CSGALNACT1: variants seen among roughly 807,000 people sequenced by gnomAD.
The protein encoded by CSGALNACT1 is beta4GalNAcT-1.
In CSGALNACT1, 52 loss-of-function variants were observed where a neutral mutation model predicts 51.0. The observed-to-expected ratio is 1.02, with a 90% confidence interval of 0.82 to 1.29. The LOEUF (loss-of-function observed/expected upper bound fraction) is 1.29, where lower values mean the gene tolerates loss of function less well. Ranked by LOEUF, CSGALNACT1 falls within the 50% of genes most tolerant of loss-of-function variation. The pLI is 0.00. For missense variants in CSGALNACT1, 935 were observed against 679.2 expected (o/e 1.38, Z -4.19); for synonymous variants, 341 against 254.4 (o/e 1.34, Z -3.24).
intron 3 of CSGALNACT1, among the ~76,000 whole-genome samples, chr8:19,529,161 C>T (rs983472286): frequency 2.0e-5 from 3 of 151,970 alleles, no homozygotes; most frequent in Non-Finnish European, 2.9e-5. Flanking sequence ...TGGGGGTCAA[C>T]GGTAACTTAA....
intron 3 of CSGALNACT1, among the ~76,000 whole-genome samples, chr8:19,560,506 G>A (rs369020542): frequency 5.3e-5 from 8 of 152,080 alleles, no homozygotes; most frequent in Admixed American, 3.9e-4. Flanking sequence ...AGAAGACTTC[G>A]ATCCTGAAAG....
At chr8:19,659,900 C>A (rs758545085) in intron 1 of CSGALNACT1, among the ~76,000 whole-genome samples, 9 of 152,192 alleles carry the variant, frequency 5.9e-5, no homozygotes, top group Non-Finnish European at 1.3e-4. Context: ...GAAGAGATGG[C>A]AGCAAATCAT....
At chr8:19,414,929 A>C (rs1222290883) in intron 8 of CSGALNACT1, among the ~76,000 whole-genome samples, 1 of 152,178 alleles carries the variant, frequency 6.6e-6, no homozygotes, top group Admixed American at 6.5e-5. Context: ...TAACTGATCC[A>C]TCTCCAACCA....
intron 1 of CSGALNACT1, among the ~76,000 whole-genome samples, chr8:19,635,702 G>C (rs1306388697): frequency 6.6e-6 from 1 of 152,132 alleles, no homozygotes; most frequent in African/African-American, 2.4e-5. Context: ...CGGGCATTTA[G>C]GAAGTCTTTC....
At position 19,681,407 on chromosome 8, in the gene CSGALNACT1, T is replaced by A. The variant is rs572677902; in HGVS notation, c.-544+1066A>T. 5.9e-5 allele frequency among the ~76,000 whole-genome samples: 9 copies of A among 151,956 alleles called. No individual in the cohort carries two copies. The South Asian group carries it at 1.9e-3, about 32-fold the overall frequency. ...GGTGCATCTGTCCTTCGCGCCCCCA[T>A]CCCCATCGCTGGCTCCTCCATCACA... On this transcript the variant is annotated intron_variant, in intron 1 of 9. Coordinates refer to the CSGALNACT1 transcript ENST00000332246.
At chr8:19,655,710 C>T (rs2058212687) in intron 1 of CSGALNACT1, among the ~76,000 whole-genome samples, 1 of 152,104 alleles carries the variant, frequency 6.6e-6, no homozygotes, top group Non-Finnish European at 1.5e-5. Flanking sequence ...GAGCCACCAA[C>T]CCAGCTGCTA....
chr8:19,494,886 C>T (rs1178919371), intron 4 of CSGALNACT1, among the ~76,000 whole-genome samples: 13 of 66,010 alleles, frequency 2.0e-4, no homozygotes, highest in African/African-American at 7.9e-4. Context: ...AGAAAATGGG[C>T]GGGGGGCGGG....
At chr8:19,515,297 T>A (rs888273604) in intron 3 of CSGALNACT1, among the ~76,000 whole-genome samples, 1 of 152,134 alleles carries the variant, frequency 6.6e-6, no homozygotes, top group Non-Finnish European at 1.5e-5. Context: ...CCTTCCTTCC[T>A]CACCCAAAAG....
At chr8:19,481,642 A>C (rs2071426452) in intron 4 of CSGALNACT1, among the ~76,000 whole-genome samples, 1 of 152,138 alleles carries the variant, frequency 6.6e-6, no homozygotes, top group Non-Finnish European at 1.5e-5. Flanking sequence ...TTATGGTCAA[A>C]ATTTTATAAT....
At chr8:19,538,884 T>C (rs968013941) in intron 3 of CSGALNACT1, among the ~76,000 whole-genome samples, 3 of 152,104 alleles carry the variant, frequency 2.0e-5, no homozygotes, top group Non-Finnish European at 2.9e-5. Context: ...GCCGCTGAGC[T>C]AGTGTGTGTC....
At chr8:19,537,948 GA>G (rs1274523881) in intron 3 of CSGALNACT1, among the ~76,000 whole-genome samples, 1 of 152,128 alleles carries the variant, frequency 6.6e-6, no homozygotes, top group African/African-American at 2.4e-5. Context: ...ATAATGAAAA[GA>G]TAAGCTATGG....
At chr8:19,528,306 T>C (rs1228795247) in intron 3 of CSGALNACT1, among the ~76,000 whole-genome samples, 2 of 151,312 alleles carry the variant, frequency 1.3e-5, no homozygotes, top group Non-Finnish European at 1.5e-5. Context: ...CAGCCCTTGA[T>C]ATTCAGAAGC....
intron 3 of CSGALNACT1, among the ~76,000 whole-genome samples, chr8:19,565,865 C>T (rs1270897467): frequency 1.3e-5 from 2 of 152,164 alleles, no homozygotes; most frequent in African/African-American, 2.4e-5. Context: ...GAGCCGAGAT[C>T]GTGCCACTGC....
upstream of CSGALNACT1, among the ~76,000 whole-genome samples, chr8:19,683,566 C>T (rs566372300): frequency 6.6e-6 from 1 of 152,040 alleles, no homozygotes; most frequent in Non-Finnish European, 1.5e-5. Flanking sequence ...AAATAACTAC[C>T]TAGAACTGAA....
chr8:19,444,776 A>C (rs1053658266), intron 5 of CSGALNACT1, among the ~76,000 whole-genome samples: 2 of 152,210 alleles, frequency 1.3e-5, no homozygotes, highest in Non-Finnish European at 2.9e-5. Flanking sequence ...AAATGAGCTC[A>C]ATTAAAACCA....
At chr8:19,705,634 G>A (rs2062117013) in intron 1 of CSGALNACT1, among the ~76,000 whole-genome samples, 1 of 152,112 alleles carries the variant, frequency 6.6e-6, no homozygotes. Context: ...CTACTCGGAA[G>A]CCTGAGGTGG....
chr8:19,682,051 G>C (rs1043378495), intron 1 of CSGALNACT1, among the ~76,000 whole-genome samples: 2 of 152,332 alleles, frequency 1.3e-5, no homozygotes, highest in South Asian at 4.1e-4. Flanking sequence ...CTGTACCACA[G>C]AAAGATTTTG....
Position 19,740,195 on chromosome 8 carries a change from C to T in CSGALNACT1, c.-297+17655G>A, listed in dbSNP as rs573618605. On this transcript the variant is annotated intron_variant, in intron 1 of 1. Coordinates refer to the CSGALNACT1 transcript ENST00000517494. ...GCTCTCCATCCCACCTGGGCCACATCTGGTCCACAGGAAGCACACACAAAT... is the reference window on the plus strand; with the variant it reads ...GCTCTCCATCCCACCTGGGCCACATTTGGTCCACAGGAAGCACACACAAAT... Among the ~76,000 whole-genome samples the T allele has an allele frequency of 6.6e-5, 10 of 152,320 alleles. No individual in the cohort carries two copies. The South Asian group carries it at 2.1e-3, about 32-fold the overall frequency.
intron 5 of CSGALNACT1, chr8:19,457,885 A>G (rs2064458761): frequency 5.1e-6 from 5 of 987,744 alleles, no homozygotes; most frequent in Non-Finnish European, 7.1e-6. Flanking sequence ...CCTTCTTGGT[A>G]TAATTCTACA....
Sources: gnomAD v4.1 joint callset for allele counts (sites outside exome capture counted in the v4.1 genomes callset) on GRCh38, gnomAD v4.1.1 for gene constraint, MANE v1.5 for transcripts, NCBI Gene and HGNC (gene_info 2026-07-23, HGNC 2026-07-21) for gene names.